Variants in ATAD2B observed in about 807,000 individuals in gnomAD.
ATAD2B encodes the protein ATPase family AAA domain containing 2B, also known as ATPase family AAA domain-containing protein 2B.
A neutral mutation model predicts 167.6 loss-of-function variants in ATAD2B; 40 were observed. That is an observed-to-expected ratio of 0.24 (90% confidence interval 0.19 to 0.31). ATAD2B has a LOEUF of 0.31. Among genes scored for constraint, ATAD2B ranks in the 10% least tolerant of loss-of-function variants. The probability of loss-of-function intolerance (pLI) is 1.00; values close to 1 mark genes in which losing one functional copy is unlikely to be tolerated. For synonymous variants in ATAD2B, 579 were observed against 596.5 expected, an observed-to-expected ratio of 0.97 and a Z score of 0.43; for missense variants, 1,242 against 1,757.2, an observed-to-expected ratio of 0.71 and a Z score of 5.24.
chr2:23,713,787 C>A, the ATAD2B span, among the ~76,000 whole-genome samples: 1 of 152,180 alleles, frequency 6.6e-6, no homozygotes, highest in Non-Finnish European at 1.5e-5. Context: ...TATACAGATA[C>A]ACACAATGGA....
chr2:23,791,729 G>A (rs1401860537), intron 19 of ATAD2B, among the ~76,000 whole-genome samples: 1 of 152,020 alleles, frequency 6.6e-6, no homozygotes, highest in Non-Finnish European at 1.5e-5. Context: ...TCCTTTTTAA[G>A]GCTAAATAAT....
At chr2:23,706,208 G>A in the ATAD2B span, among the ~76,000 whole-genome samples, 45 of 152,206 alleles carry the variant, frequency 3.0e-4, no homozygotes, top group Non-Finnish European at 5.0e-4. Context: ...GAGATCTTTC[G>A]TCTCCTAGCC....
intron 18 of ATAD2B, among the ~76,000 whole-genome samples, chr2:23,805,444 T>C (rs1380015746): frequency 6.6e-6 from 1 of 152,198 alleles, no homozygotes; most frequent in Non-Finnish European, 1.5e-5. Flanking sequence ...TACTCCTTTG[T>C]ATGTCAAGAT....
In ATAD2B at chr2:23,810,622, A is replaced by G; in HGVS notation, c.2268-120T>C. The G allele has an allele frequency of 7.9e-6, 6 of 761,820 alleles. 1 individual carries two copies. In the South Asian group the frequency reaches 1.2e-4, roughly 16 times the overall value. 47.2% of individuals were successfully genotyped at this position (761,820 alleles called of 1,614,324 possible). ...CTCCAAATTAACAGAACTTTCCTAT[A>G]TTATTTTAGTATAGTGACTTATTTT... On this transcript the variant is annotated intron_variant, in intron 17 of 27. Coordinates refer to ENST00000238789, the MANE Select transcript of ATAD2B (RefSeq NM_017552.4).
At chr2:23,687,961 G>A in the ATAD2B span, among the ~76,000 whole-genome samples, 2 of 152,234 alleles carry the variant, frequency 1.3e-5, no homozygotes, top group South Asian at 2.1e-4. Flanking sequence ...GCCTGCGGCC[G>A]AGTCCCTTTG....
At chr2:23,856,849 G>C (rs1381248576) in intron 13 of ATAD2B, among the ~76,000 whole-genome samples, 1 of 151,780 alleles carries the variant, frequency 6.6e-6, no homozygotes, top group African/African-American at 2.4e-5. Flanking sequence ...GACAGGGTGA[G>C]ACTCTGACTC....
At chr2:23,805,079 G>T (rs527977226) in intron 18 of ATAD2B, among the ~76,000 whole-genome samples, 1 of 151,126 alleles carries the variant, frequency 6.6e-6, no homozygotes, top group African/African-American at 2.4e-5. Flanking sequence ...GGAGGCGGAG[G>T]TTGCAATGAG....
At chr2:23,829,106 C>T (rs1688664065) in intron 14 of ATAD2B, among the ~76,000 whole-genome samples, 167 bp from the exon 15 acceptor site, 1 of 152,190 alleles carries the variant, frequency 6.6e-6, no homozygotes, top group Non-Finnish European at 1.5e-5. Context: ...TCTACATCAA[C>T]TCTGATTCCA....
chr2:23,902,850 T>G (rs1048271482), intron 1 of ATAD2B, among the ~76,000 whole-genome samples: 3 of 152,150 alleles, frequency 2.0e-5, no homozygotes, highest in African/African-American at 7.2e-5. Context: ...AGGATCCTTG[T>G]GGCCAGGAGT....
At chr2:23,904,821 A>C (rs17045999) in intron 1 of ATAD2B, among the ~76,000 whole-genome samples, 5,838 of 152,238 alleles carry the variant, frequency 0.038, 110 homozygotes, top group Admixed American at 0.046. Flanking sequence ...TTAGAAGTGC[A>C]GTCAATTTCT....
the ATAD2B span, among the ~76,000 whole-genome samples, chr2:23,705,167 G>A: frequency 6.6e-6 from 1 of 152,232 alleles, no homozygotes; most frequent in Non-Finnish European, 1.5e-5. Flanking sequence ...CTCCACTTGG[G>A]AGGATGCTCG....
intron 13 of ATAD2B, among the ~76,000 whole-genome samples, chr2:23,844,578 A>T (rs1179620083): frequency 6.6e-6 from 1 of 152,236 alleles, no homozygotes; most frequent in Admixed American, 6.5e-5. Context: ...AGATGAAAAC[A>T]AAAACATGAG....
chr2:23,877,589 G>A (rs1697093618), intron 7 of ATAD2B, among the ~76,000 whole-genome samples: 2 of 143,624 alleles, frequency 1.4e-5, no homozygotes, highest in Non-Finnish European at 1.5e-5. Flanking sequence ...AGGAAGGGCG[G>A]GCCGGGCACT....
At position 23,793,835 on chromosome 2, in the gene ATAD2B, A is replaced by G. The variant is rs1682189306; in HGVS notation, c.2640+4303T>C. Among the ~76,000 whole-genome samples the G allele has an allele frequency of 2.0e-5, 3 of 152,208 alleles. 1 individual carries two copies. The highest frequency in any genetic ancestry group is 2.0e-4 in the Admixed American group (3 of 15,278). ...CAAACTTTTTGGTCTCAGGACCCCA[A>G]AAAAGCTTTTATGTATGTGAGCTAT... On this transcript the variant is annotated intron_variant, in intron 19 of 27. Transcript: ENST00000238789.
rs1022740346 is a variant in ATAD2B at position 23,895,951 on chromosome 2, C to A, written c.236G>T (p.Ser79Ile). The change falls in exon 2 of 28, where the codon AGT (serine) becomes ATT (isoleucine). Residue 79 changes from serine (S) to isoleucine (I), a missense_variant. Coordinates refer to ENST00000238789, the MANE Select transcript of ATAD2B (RefSeq NM_017552.4). Reference protein sequence around the residue: ...DEARKVEVDGSLSDSHVSPPA... With the variant: ...DEARKVEVDGILSDSHVSPPA... Reference sequence around the variant, plus strand: ...AGGAGATACGTGGCTATCACTTAAACTACCATCAACTTCAACTTTCTGAAA... The same window carrying A: ...AGGAGATACGTGGCTATCACTTAAAATACCATCAACTTCAACTTTCTGAAA... 3.1e-6 allele frequency: 5 copies of A among 1,612,374 alleles called. No homozygotes were observed. Among genetic ancestry groups the A allele is most frequent in the Non-Finnish European group, 4.2e-6 (5 of 1,178,858 alleles).
chr2:23,771,719 A>G (rs1157270844), intron 22 of ATAD2B, among the ~76,000 whole-genome samples: 1 of 151,764 alleles, frequency 6.6e-6, no homozygotes, highest in Non-Finnish European at 1.5e-5. Context: ...TTGTTGGTTT[A>G]TTAGCTCTAA....
rs775480257 is a variant in ATAD2B, at chr2:23,926,679, G to A, written c.92C>T (p.Ala31Val). The A allele has an allele frequency of 9.0e-6, 14 of 1,554,834 alleles. No individual in the cohort carries two copies. Among genetic ancestry groups the A allele is most frequent in the South Asian group, 1.2e-5 (1 of 84,434 alleles). Reference sequence around the variant, plus strand: ...GATGAAATGGCTGCTGCCTCCGGTCGCCCCAGGCTCTGCTCCGGCCCCAGG... The same window carrying A: ...GATGAAATGGCTGCTGCCTCCGGTCACCCCAGGCTCTGCTCCGGCCCCAGG... ...PGPGAGAEPG[A>V]TGGSSHFISS... is the part of the protein sequence containing the mutation. The change falls in exon 1 of 28, where the codon GCG becomes GTG. Residue 31 changes from alanine (A) to valine (V), a missense_variant. Physicochemically the swap from Ala to Val is moderately conservative, Grantham distance 64 (BLOSUM62 0). Transcript: ENST00000238789.
intron 2 of ATAD2B, 56 bp from the exon 3 acceptor site, chr2:23,888,455 A>T (rs940823608): frequency 8.3e-6 from 9 of 1,085,482 alleles, no homozygotes; most frequent in Non-Finnish European, 1.0e-5. Flanking sequence ...TATATAAGCA[A>T]GAAATGAAAT....
chr2:23,744,520 T>G (rs2149276447), downstream of ATAD2B, among the ~76,000 whole-genome samples: 2 of 152,330 alleles, frequency 1.3e-5, no homozygotes, highest in South Asian at 4.1e-4. Flanking sequence ...ACTTACTATG[T>G]GCCTGGTACT....
Sources: allele counts gnomAD v4.1 joint callset (sites outside exome capture counted in the v4.1 genomes callset), GRCh38; gene constraint gnomAD v4.1.1; transcripts MANE v1.5; gene names NCBI Gene and HGNC (gene_info 2026-07-23, HGNC 2026-07-21).